The following RBFOX1 variants were observed in gnomAD, a reference collection of about 807,000 sequenced individuals.
RBFOX1 encodes the protein RNA binding protein fox-1 homolog 1.
Under a neutral mutation model 57.7 loss-of-function variants are expected in RBFOX1, and 8 were observed. The observed-to-expected ratio is 0.14, with a 90% CI of 0.08 to 0.25. The LOEUF is 0.25. RBFOX1 is among the 10% of genes least tolerant of loss of function. The probability of loss-of-function intolerance (pLI) is 1.00; values close to 1 mark genes in which losing one functional copy is unlikely to be tolerated. For synonymous variants in RBFOX1, 326 were observed against 222.4 expected (o/e 1.47, Z -4.15); for missense variants, 611 against 548.5 (o/e 1.11, Z -1.14).
At chr16:7,312,819 C>T (rs756965291) in intron 4 of RBFOX1, among the ~76,000 whole-genome samples, 41 of 152,216 alleles carry the variant, frequency 2.7e-4, no homozygotes, top group Non-Finnish European at 5.0e-4. Context: ...CTTGGGCACA[C>T]GTTGAAGTTT....
At chr16:6,695,432 AAAAAAGGAAAGGAAG>A (rs778104071) in intron 3 of RBFOX1, among the ~76,000 whole-genome samples, 220 of 99,556 alleles carry the variant, frequency 2.2e-3, no homozygotes, top group Non-Finnish European at 2.6e-3. Context: ...AAAAAAAAAA[AAAAAAGGAAAGGAAG>A]GGAAAGGAAA....
At chr16:5,907,514 A>G (rs2058489451) in intron 4 of RBFOX1, among the ~76,000 whole-genome samples, 1 of 152,140 alleles carries the variant, frequency 6.6e-6, no homozygotes, top group South Asian at 2.1e-4. Context: ...CCTATGGAGA[A>G]CAGGGGCTTG....
At chr16:6,074,501 T>C (rs2095873116) in intron 1 of RBFOX1, among the ~76,000 whole-genome samples, 1 of 152,212 alleles carries the variant, frequency 6.6e-6, no homozygotes, top group African/African-American at 2.4e-5. Context: ...ATGGGGGTCC[T>C]GTGAAGGAAC....
At chr16:5,309,097 T>C (rs923327746) in intron 1 of RBFOX1, among the ~76,000 whole-genome samples, 3 of 152,226 alleles carry the variant, frequency 2.0e-5, no homozygotes, top group Non-Finnish European at 2.9e-5. Context: ...TGTTAAAATC[T>C]GTCTTTAATA....
At chr16:5,436,160 C>T (rs1346550622) in intron 1 of RBFOX1, among the ~76,000 whole-genome samples, 1 of 152,192 alleles carries the variant, frequency 6.6e-6, no homozygotes, top group South Asian at 2.1e-4. Context: ...TCCCTCATGC[C>T]TTTCTCTGGG....
At chr16:5,673,223 CAG>C (rs1218563493) in intron 3 of RBFOX1, among the ~76,000 whole-genome samples, 1 of 151,996 alleles carries the variant, frequency 6.6e-6, no homozygotes, top group African/African-American at 2.4e-5. Flanking sequence ...GTAGAAGTCA[CAG>C]AGAAGGGGCA....
chr16:6,967,394 C>A (rs755566929), intron 3 of RBFOX1, among the ~76,000 whole-genome samples: 2 of 152,100 alleles, frequency 1.3e-5, no homozygotes, highest in African/African-American at 4.8e-5. Flanking sequence ...GGAGCTGAAG[C>A]CTCATGGGAA....
At chr16:6,400,322 G>T (rs899456409) in intron 2 of RBFOX1, among the ~76,000 whole-genome samples, 4 of 152,078 alleles carry the variant, frequency 2.6e-5, no homozygotes, top group Non-Finnish European at 5.9e-5. Context: ...CCAAAATTTT[G>T]GAAATTAAAT....
chr16:5,285,867 G>T (rs1367472439), intron 1 of RBFOX1, among the ~76,000 whole-genome samples: 1 of 152,152 alleles, frequency 6.6e-6, no homozygotes, highest in Non-Finnish European at 1.5e-5. Context: ...TGCCTCCCGG[G>T]TTCAAGCGAT....
chr16:7,210,881 A>G, intron 4 of RBFOX1, among the ~76,000 whole-genome samples: 1 of 152,080 alleles, frequency 6.6e-6, no homozygotes, highest in East Asian at 1.9e-4. Flanking sequence ...GTAATTTGCC[A>G]AAAGGGTAGA....
chr16:6,678,372 A>G (rs1417944394), intron 3 of RBFOX1, among the ~76,000 whole-genome samples: 1 of 151,480 alleles, frequency 6.6e-6, no homozygotes, highest in Admixed American at 6.6e-5. Context: ...CATCTACCCA[A>G]CTCAGCCTCC....
At chr16:5,551,443 C>T (rs539684263) in intron 2 of RBFOX1, among the ~76,000 whole-genome samples, 1 of 152,298 alleles carries the variant, frequency 6.6e-6, no homozygotes, top group Non-Finnish European at 1.5e-5. Flanking sequence ...TCTCTTGTTA[C>T]CACTAAATTG....
In RBFOX1 at chr16:7,474,370, C is replaced by T. The variant is rs550033108; in HGVS notation, c.28-43777C>T. 3.3e-5 allele frequency among the ~76,000 whole-genome samples: 5 copies of T among 152,238 alleles called. No individual in the cohort carries two copies. The South Asian group carries it at 1.0e-3, about 32-fold the overall frequency. Reference sequence around the variant, plus strand: ...CTGCTGAGTAAATGGCCTCTTCTCACCTTTTTGTGTTCCCCAGTGCACTTC... The same window carrying T: ...CTGCTGAGTAAATGGCCTCTTCTCATCTTTTTGTGTTCCCCAGTGCACTTC... On this transcript the variant is annotated intron_variant, in intron 4 of 15. Coordinates refer to ENST00000550418, the MANE Select transcript of RBFOX1 (RefSeq NM_018723.4).
intron 4 of RBFOX1, among the ~76,000 whole-genome samples, chr16:7,124,301 C>G (rs1057477054): frequency 6.6e-6 from 1 of 152,008 alleles, no homozygotes; most frequent in Non-Finnish European, 1.5e-5. Context: ...TTGGTTCTAG[C>G]TACTCAGGAG....
At chr16:6,810,252 T>G (rs1460236011) in intron 3 of RBFOX1, among the ~76,000 whole-genome samples, 13 of 152,160 alleles carry the variant, frequency 8.5e-5, no homozygotes. Context: ...AGAAATTCAC[T>G]TTTTACCACA....
intron 2 of RBFOX1, among the ~76,000 whole-genome samples, chr16:5,490,802 C>A (rs914781246): frequency 2.0e-5 from 3 of 152,174 alleles, no homozygotes; most frequent in African/African-American, 4.8e-5. Context: ...CGCCTCTGCA[C>A]TGGGAGTTTT....
chr16:7,669,782 A>G (rs2070759603), intron 13 of RBFOX1, among the ~76,000 whole-genome samples: 1 of 152,134 alleles, frequency 6.6e-6, no homozygotes, highest in Non-Finnish European at 1.5e-5. Context: ...GGAAAGTAGG[A>G]ATTCTTTAAA....
At chr16:7,253,718 A>G (rs538988771) in intron 4 of RBFOX1, among the ~76,000 whole-genome samples, 7 of 152,138 alleles carry the variant, frequency 4.6e-5, no homozygotes, top group African/African-American at 7.2e-5. Flanking sequence ...CCATCACCAC[A>G]TAGTATTCTG....
In RBFOX1 at chr16:5,814,906, G is replaced by A. The variant is rs185460388; in HGVS notation, c.319-52397G>A. Reference sequence around the variant, plus strand: ...ATTGCGCCACTGCAGTCCGCAGTCCGGCCTGGGCGACAGAGCGAGACTCCG... The same window carrying A: ...ATTGCGCCACTGCAGTCCGCAGTCCAGCCTGGGCGACAGAGCGAGACTCCG... On this transcript the variant is annotated intron_variant, in intron 3 of 19. Transcript: ENST00000641259. Among the ~76,000 whole-genome samples the A allele has an allele frequency of 6.2e-3, 945 of 152,126 alleles. 10 individuals carry two copies. Among genetic ancestry groups the A allele is most frequent in the African/African-American group, 0.021 (863 of 41,512 alleles).
Sources: gnomAD v4.1 joint callset for allele counts (sites outside exome capture counted in the v4.1 genomes callset) on GRCh38, gnomAD v4.1.1 for gene constraint, MANE v1.5 for transcripts, NCBI Gene and HGNC (gene_info 2026-07-23, HGNC 2026-07-21) for gene names.